Variants in DDAH1 observed in about 807,000 individuals in gnomAD.
The protein encoded by DDAH1 is dimethylarginine dimethylaminohydrolase 1.
In DDAH1, 19 loss-of-function variants were observed where a neutral mutation model predicts 28.8. The ratio of observed to expected loss-of-function variants is 0.66; its 90% CI spans 0.46 to 0.97. The LOEUF (loss-of-function observed/expected upper bound fraction) is 0.97, where lower values mean the gene tolerates loss of function less well. Ranked by LOEUF, DDAH1 falls within the 50% of genes least tolerant of loss-of-function variation. The pLI is 0.00. For missense variants in DDAH1, 326 were observed against 375.9 expected (o/e 0.87, Z 1.10); for synonymous variants, 153 against 154.4 (o/e 0.99, Z 0.07).
At chr1:85,361,221 T>C (rs1649779055) in intron 1 of DDAH1, among the ~76,000 whole-genome samples, 2 of 152,162 alleles carry the variant, frequency 1.3e-5, no homozygotes, top group South Asian at 4.1e-4. Context: ...GCCTGACACA[T>C]GGGTCCATAG....
chr1:85,498,419 C>G (rs1046533832), intron 1 of DDAH1, among the ~76,000 whole-genome samples: 2 of 152,064 alleles, frequency 1.3e-5, no homozygotes, highest in African/African-American at 4.8e-5. Flanking sequence ...GAGCTGTTAA[C>G]TTATGTAGAA....
intron 1 of DDAH1, among the ~76,000 whole-genome samples, chr1:85,449,572 A>G (rs539548616): frequency 2.0e-5 from 3 of 152,278 alleles, no homozygotes; most frequent in Admixed American, 1.3e-4. Context: ...CAAGACAGCT[A>G]GAGAGAATGA....
chr1:85,468,949 C>T (rs763614616), upstream of DDAH1, among the ~76,000 whole-genome samples: 3 of 152,132 alleles, frequency 2.0e-5, no homozygotes, highest in Admixed American at 6.5e-5. Flanking sequence ...TGGGAATTAT[C>T]GGAGCTACAG....
chr1:85,528,345 T>G (rs532590749), intron 1 of DDAH1, among the ~76,000 whole-genome samples: 1 of 152,150 alleles, frequency 6.6e-6, no homozygotes, highest in Non-Finnish European at 1.5e-5. Context: ...GACTCACCAA[T>G]GGGTCATGAC....
chr1:85,576,061 T>C (rs898694911), intron 1 of DDAH1, among the ~76,000 whole-genome samples: 1 of 138,012 alleles, frequency 7.2e-6, no homozygotes, highest in Non-Finnish European at 1.6e-5. Flanking sequence ...TAAAGTATAA[T>C]AAAAATAAAT....
intron 1 of DDAH1, chr1:85,435,105 C>A (rs1006241880): frequency 9.9e-5 from 15 of 152,032 alleles, no homozygotes; most frequent in African/African-American, 3.6e-4. Flanking sequence ...TATTTGCTAA[C>A]AGATTATTGA....
intron 1 of DDAH1, among the ~76,000 whole-genome samples, chr1:85,369,541 C>A (rs1481113710): frequency 1.3e-5 from 2 of 152,128 alleles, no homozygotes; most frequent in African/African-American, 4.8e-5. Context: ...AGAAAACTAC[C>A]GTTGGCCTAT....
intron 1 of DDAH1, among the ~76,000 whole-genome samples, chr1:85,571,288 C>T (rs1341452562): frequency 6.6e-6 from 1 of 152,206 alleles, no homozygotes; most frequent in Non-Finnish European, 1.5e-5. Flanking sequence ...AAAGTTCTCA[C>T]TTTTAGATGT....
intron 4 of DDAH1, among the ~76,000 whole-genome samples, chr1:85,348,699 C>T (rs138733771): frequency 4.6e-5 from 7 of 152,322 alleles, no homozygotes; most frequent in East Asian, 1.9e-4. Flanking sequence ...CCTCAGGGAA[C>T]GCCCCCTTTT....
chr1:85,430,618 C>G (rs187723544), intron 1 of DDAH1, among the ~76,000 whole-genome samples: 83 of 152,170 alleles, frequency 5.5e-4, no homozygotes, highest in Non-Finnish European at 9.1e-4. Flanking sequence ...TCGTCACATC[C>G]CTTGTAAGTT....
rs536277182 is a variant in DDAH1 at position 85,381,467 on chromosome 1, A to G, written c.304-22620T>C. Among the ~76,000 whole-genome samples, 3 of 151,686 alleles carry G rather than the reference A, an allele frequency of 2.0e-5. No homozygotes were observed. In the East Asian group the frequency reaches 5.9e-4, roughly 30 times the overall value. On this transcript the variant is annotated intron_variant, in intron 1 of 5. Transcript: ENST00000284031. The stretch of plus-strand genomic sequence containing the variant: ...CACCGAGAAGTATACACGTTACCCA[A>G]TGTGTAGTCTTTTATCCTTCACCCC...
chr1:85,339,398 A>T (rs1648331951), intron 4 of DDAH1, among the ~76,000 whole-genome samples: 2 of 152,212 alleles, frequency 1.3e-5, no homozygotes, highest in South Asian at 4.1e-4. Flanking sequence ...TTGCAAACAG[A>T]TAGTGTGATG....
chr1:85,487,135 C>A (rs1656232236), intron 2 of DDAH1, among the ~76,000 whole-genome samples: 1 of 152,176 alleles, frequency 6.6e-6, no homozygotes, highest in African/African-American at 2.4e-5. Flanking sequence ...AAATGGATGA[C>A]TGGATCCTTT....
chr1:85,421,837 TAGA>T (rs1653154273), intron 1 of DDAH1, among the ~76,000 whole-genome samples: 1 of 152,250 alleles, frequency 6.6e-6, no homozygotes, highest in Admixed American at 6.5e-5. Context: ...CATTCACATA[TAGA>T]AGGACATCTT....
At chr1:85,375,060 T>C (rs1650587374) in intron 1 of DDAH1, among the ~76,000 whole-genome samples, 1 of 106,510 alleles carries the variant, frequency 9.4e-6, no homozygotes, top group Admixed American at 1.1e-4. Flanking sequence ...AATTTGAGGA[T>C]AAAAAGCTAC....
At chr1:85,402,727 G>C (rs1008161288) in intron 1 of DDAH1, among the ~76,000 whole-genome samples, 1 of 152,030 alleles carries the variant, frequency 6.6e-6, no homozygotes, top group Non-Finnish European at 1.5e-5. Context: ...GGCCAACATG[G>C]TGAAACCCCG....
At chr1:85,551,041 C>G (rs547639228) in intron 1 of DDAH1, among the ~76,000 whole-genome samples, 1 of 152,332 alleles carries the variant, frequency 6.6e-6, no homozygotes, top group African/African-American at 2.4e-5. Flanking sequence ...GCTGAGTTAC[C>G]TGCTATTATC....
chr1:85,573,368 T>C (rs1018587215), intron 1 of DDAH1, among the ~76,000 whole-genome samples: 3 of 152,238 alleles, frequency 2.0e-5, no homozygotes, highest in African/African-American at 7.2e-5. Context: ...CAGAGGTTAA[T>C]TGCTGATTCT....
intron 2 of DDAH1, among the ~76,000 whole-genome samples, chr1:85,471,286 T>C (rs746534607): frequency 6.6e-6 from 1 of 152,210 alleles, no homozygotes; most frequent in Non-Finnish European, 1.5e-5. Context: ...CATTATTCCA[T>C]CTAGGGGTAG....
Sources: allele counts gnomAD v4.1 joint callset (sites outside exome capture counted in the v4.1 genomes callset), GRCh38; gene constraint gnomAD v4.1.1; transcripts MANE v1.5; gene names NCBI Gene and HGNC (gene_info 2026-07-23, HGNC 2026-07-21).